Variants in MCF2L2 observed in about 807,000 individuals in gnomAD.
MCF2L2 encodes the protein probable guanine nucleotide exchange factor MCF2L2.
A neutral mutation model predicts 150.2 loss-of-function variants in MCF2L2; 102 were observed. The ratio of observed to expected loss-of-function variants is 0.68; its 90% CI spans 0.58 to 0.80. The LOEUF (loss-of-function observed/expected upper bound fraction) is 0.80. Ranked by LOEUF, MCF2L2 falls within the 30% of genes least tolerant of loss-of-function variation. MCF2L2 has a pLI of 0.00. For synonymous variants in MCF2L2, 465 were observed against 491.3 expected (o/e 0.95, Z 0.71); for missense variants, 1,256 against 1,372.8 (o/e 0.91, Z 1.34).
At chr3:183,209,148 T>G (rs1265343891) in intron 22 of MCF2L2, among the ~76,000 whole-genome samples, 1 of 152,336 alleles carries the variant, frequency 6.6e-6, no homozygotes, top group Non-Finnish European at 1.5e-5. Context: ...TCACTCTATC[T>G]GCATCCATCA....
intron 25 of MCF2L2, among the ~76,000 whole-genome samples, chr3:183,204,249 T>C (rs975927239): frequency 6.6e-6 from 1 of 152,166 alleles, no homozygotes; most frequent in African/African-American, 2.4e-5. Context: ...CTGATAAAAG[T>C]CCAGTATCCA....
At chr3:183,200,933 T>C (rs1722257032) in intron 25 of MCF2L2, among the ~76,000 whole-genome samples, 1 of 152,218 alleles carries the variant, frequency 6.6e-6, no homozygotes, top group African/African-American at 2.4e-5. Flanking sequence ...CAGATGGTTG[T>C]AGATGTATGA....
At chr3:183,244,471 T>C (rs771813078) in intron 15 of MCF2L2, among the ~76,000 whole-genome samples, 3 of 152,172 alleles carry the variant, frequency 2.0e-5, no homozygotes, top group Non-Finnish European at 4.4e-5. Context: ...TATCTTGTGA[T>C]TGTGTGAGTC....
At chr3:183,418,082 G>A (rs895700371) in intron 1 of MCF2L2, among the ~76,000 whole-genome samples, 4 of 152,136 alleles carry the variant, frequency 2.6e-5, no homozygotes, top group African/African-American at 9.7e-5. Context: ...CAGCTACTTG[G>A]GAGGCTGAGG....
At position 183,179,553 on chromosome 3, in the gene MCF2L2, T is replaced by TA; in HGVS notation, c.3221+23dup. On this transcript the variant is annotated intron_variant, in intron 29 of 29. Coordinates refer to ENST00000328913, the MANE Select transcript of MCF2L2 (RefSeq NM_015078.4). This position sits in a 1 kb window ranked among gnomAD's most constrained non-coding sequence, Gnocchi z 4.2. ...AGACGCCGTGGCCCAAAGAGGCGCT[T>TA]AGTCTTTCCTCGCTCACACTCACGT... is the stretch of plus-strand genomic sequence containing the variant. 1 of 1,613,340 alleles carries TA rather than the reference T, an allele frequency of 6.2e-7. No homozygotes were observed. Among genetic ancestry groups the TA allele is most frequent in the Non-Finnish European group, 8.5e-7 (1 of 1,179,560 alleles).
chr3:183,387,788 C>T (rs532912845), intron 2 of MCF2L2, among the ~76,000 whole-genome samples: 4 of 151,926 alleles, frequency 2.6e-5, no homozygotes, highest in South Asian at 2.1e-4. Context: ...AAAAATTAGC[C>T]GGGCATGATG....
intron 22 of MCF2L2, 143 bp from the exon 23 acceptor site, chr3:183,207,966 C>T (rs1399371481): frequency 1.5e-6 from 1 of 672,746 alleles, no homozygotes; most frequent in East Asian, 2.7e-5. Flanking sequence ...TGGTCTGTCA[C>T]TAAATCAAAA....
At chr3:183,350,454 T>G (rs1347320451) in intron 3 of MCF2L2, among the ~76,000 whole-genome samples, 2 of 152,216 alleles carry the variant, frequency 1.3e-5, no homozygotes, top group African/African-American at 4.8e-5. Context: ...CAAAGCCCTA[T>G]GATGTGTCAG....
Position 183,371,201 on chromosome 3 carries a change from T to C in MCF2L2, c.275+8096A>G, listed in dbSNP as rs190229462. Among the ~76,000 whole-genome samples the C allele has an allele frequency of 5.5e-3, 834 of 152,334 alleles. 6 individuals carry two copies. Among genetic ancestry groups the C allele is most frequent in the African/African-American group, 0.019 (808 of 41,560 alleles). ...AACCCAAAAGTATCTGAGACAGGTC[T>C]CAATCAGTTTAGAAAGTTTATTTTG... On this transcript the variant is annotated intron_variant, in intron 3 of 29. Coordinates refer to ENST00000328913, the MANE Select transcript of MCF2L2 (RefSeq NM_015078.4).
intron 3 of MCF2L2, among the ~76,000 whole-genome samples, chr3:183,355,984 T>C (rs1711753631): frequency 6.6e-6 from 1 of 152,032 alleles, no homozygotes; most frequent in Admixed American, 6.6e-5. Flanking sequence ...GCTGTAGCAT[T>C]TGCCCCATCT....
intron 3 of MCF2L2, among the ~76,000 whole-genome samples, chr3:183,349,056 G>C (rs1731011355): frequency 6.6e-6 from 1 of 152,164 alleles, no homozygotes. Context: ...TATTTAACAA[G>C]ATAGACCATT....
intron 10 of MCF2L2, among the ~76,000 whole-genome samples, chr3:183,301,014 CAAAAAAAAAAAA>C (rs11388183): frequency 1.4e-4 from 9 of 65,650 alleles, no homozygotes; most frequent in Non-Finnish European, 2.7e-4. Flanking sequence ...GACTCCATCT[CAAAAAAAAAAAA>C]AAAAAAAAAA....
At chr3:183,245,937 C>T (rs2108687341) in intron 15 of MCF2L2, among the ~76,000 whole-genome samples, 1 of 152,248 alleles carries the variant, frequency 6.6e-6, no homozygotes, top group Admixed American at 6.5e-5. Context: ...AGGATTTGTT[C>T]TCATTACCCT....
intron 1 of MCF2L2, among the ~76,000 whole-genome samples, chr3:183,412,021 T>C (rs1049987965): frequency 5.9e-5 from 9 of 152,186 alleles, no homozygotes; most frequent in African/African-American, 1.7e-4. Context: ...GCCAAGGAGA[T>C]GTTCTGCTTC....
intron 27 of MCF2L2, among the ~76,000 whole-genome samples, chr3:183,188,120 T>C (rs953296700): frequency 6.6e-6 from 1 of 152,118 alleles, no homozygotes. Flanking sequence ...CCAAGAACCA[T>C]AGCCTGATAA....
At chr3:183,385,367 C>T (rs1713771460) in intron 2 of MCF2L2, among the ~76,000 whole-genome samples, 1 of 152,206 alleles carries the variant, frequency 6.6e-6, no homozygotes, top group African/African-American at 2.4e-5. Context: ...GGGCTCCGAT[C>T]TCTTCCTTGG....
chr3:183,345,552 C>T (rs1281229304), intron 3 of MCF2L2, among the ~76,000 whole-genome samples: 4 of 152,062 alleles, frequency 2.6e-5, no homozygotes, highest in Non-Finnish European at 5.9e-5. Flanking sequence ...TAGCAGAAGA[C>T]AAGAAATAAC....
At chr3:183,308,837 C>T (rs1396424195) in intron 10 of MCF2L2, among the ~76,000 whole-genome samples, 2 of 152,214 alleles carry the variant, frequency 1.3e-5, no homozygotes, top group African/African-American at 4.8e-5. Flanking sequence ...TGGCCAGAGG[C>T]TCACACTTTG....
chr3:183,336,197 AAT>A (rs1168421871), intron 5 of MCF2L2, among the ~76,000 whole-genome samples: 1 of 150,772 alleles, frequency 6.6e-6, no homozygotes, highest in African/African-American at 2.5e-5. Flanking sequence ...AGTAAACATA[AAT>A]ATATAACATT....
Sources: gnomAD v4.1 joint callset for allele counts (sites outside exome capture counted in the v4.1 genomes callset) on GRCh38, gnomAD v4.1.1 for gene constraint, Gnocchi (gnomAD v3.1) non-coding constraint, MANE v1.5 for transcripts, NCBI Gene and HGNC (gene_info 2026-07-23, HGNC 2026-07-21) for gene names.